MEMO1: variants seen among roughly 807,000 people sequenced by gnomAD.
MEMO1 encodes the protein mediator of cell motility 1.
Under a neutral mutation model 45.2 loss-of-function variants are expected in MEMO1, and 6 were observed. That is an observed-to-expected ratio of 0.13 (90% CI 0.07 to 0.26). MEMO1 has a LOEUF of 0.26. MEMO1 is among the 10% of genes least tolerant of loss of function. The pLI is 1.00. For synonymous variants in MEMO1, 78 were observed against 124.3 expected, an observed-to-expected ratio of 0.63 and a Z score of 2.48; for missense variants, 184 against 370.5, an observed-to-expected ratio of 0.50 and a Z score of 4.13.
At chr2:31,999,400 T>C (rs1446449985) in intron 2 of MEMO1, among the ~76,000 whole-genome samples, 1 of 152,130 alleles carries the variant, frequency 6.6e-6, no homozygotes, top group East Asian at 1.9e-4. Context: ...CAGTGGCTCA[T>C]ACCTGTAATC....
At position 31,935,344 on chromosome 2, in the gene MEMO1, A is replaced by C. The variant is rs115492073; in HGVS notation, c.144-3209T>G. On this transcript the variant is annotated intron_variant, in intron 3 of 9. Transcript: ENST00000404530. The stretch of plus-strand genomic sequence containing the variant: ...ATTCTTACAGAGCATATACCCTATA[A>C]AACTACACGAAAGGATGAAAGTTTT... 4.2e-3 allele frequency among the ~76,000 whole-genome samples: 635 copies of C among 152,302 alleles called. 9 individuals carry two copies. The highest frequency in any genetic ancestry group is 0.015 in the African/African-American group (625 of 41,554).
At chr2:31,995,007 A>C in intron 2 of MEMO1, among the ~76,000 whole-genome samples, 1 of 142,836 alleles carries the variant, frequency 7.0e-6, no homozygotes, top group Non-Finnish European at 1.5e-5. Flanking sequence ...GGAGAGAGGG[A>C]GGGAGGGAGG....
chr2:31,966,021 G>C (rs538877770), intron 2 of MEMO1, among the ~76,000 whole-genome samples: 4 of 152,214 alleles, frequency 2.6e-5, no homozygotes, highest in African/African-American at 7.2e-5. Context: ...TTTATATGGA[G>C]TGGTTAAGCA....
chr2:31,968,289 G>A (rs1247379367), intron 2 of MEMO1, among the ~76,000 whole-genome samples: 2 of 152,184 alleles, frequency 1.3e-5, no homozygotes, highest in Non-Finnish European at 2.9e-5. Context: ...GGAATAGGAT[G>A]CATCTGCAGA....
chr2:31,907,023 A>G (rs938438824), intron 6 of MEMO1, among the ~76,000 whole-genome samples: 1 of 152,238 alleles, frequency 6.6e-6, no homozygotes, highest in Non-Finnish European at 1.5e-5. Flanking sequence ...AAGTTAAGCC[A>G]AATAGTTTCC....
chr2:31,897,772 G>A (rs1317639131), intron 6 of MEMO1, among the ~76,000 whole-genome samples: 20 of 152,058 alleles, frequency 1.3e-4, no homozygotes, highest in Admixed American at 1.2e-3. Flanking sequence ...CCATTATTTG[G>A]AAAAGTTTCA....
chr2:31,939,917 T>C (rs1665410430), intron 3 of MEMO1, among the ~76,000 whole-genome samples: 2 of 152,158 alleles, frequency 1.3e-5, no homozygotes, highest in South Asian at 4.1e-4. Flanking sequence ...ACTCCAATAA[T>C]ACTTTCATTT....
chr2:31,876,481 A>G (rs1674581533), intron 8 of MEMO1, among the ~76,000 whole-genome samples: 1 of 152,146 alleles, frequency 6.6e-6, no homozygotes, highest in Non-Finnish European at 1.5e-5. Flanking sequence ...ATTAACACAT[A>G]TCTCCTCCAA....
At chr2:31,953,097 G>A (rs1388052448) in intron 2 of MEMO1, among the ~76,000 whole-genome samples, 6 of 151,994 alleles carry the variant, frequency 3.9e-5, no homozygotes, top group African/African-American at 9.7e-5. Context: ...TGGCCGGCAC[G>A]GTGTCTCACA....
At chr2:31,967,725 A>G (rs1274257147) in intron 2 of MEMO1, among the ~76,000 whole-genome samples, 1 of 152,090 alleles carries the variant, frequency 6.6e-6, no homozygotes, top group Non-Finnish European at 1.5e-5. Flanking sequence ...ACAACAGGGC[A>G]TGAGCCACCA....
intron 2 of MEMO1, among the ~76,000 whole-genome samples, chr2:32,009,737 G>GGCGGA (rs1674580379): frequency 6.6e-6 from 1 of 152,186 alleles, no homozygotes; most frequent in Non-Finnish European, 1.5e-5. Context: ...TCGGCAAGAG[G>GGCGGA]GCGGAGGGTC....
At chr2:31,914,468 A>T (rs955581646) in intron 6 of MEMO1, among the ~76,000 whole-genome samples, 16 of 152,308 alleles carry the variant, frequency 1.1e-4, no homozygotes, top group African/African-American at 3.8e-4. Flanking sequence ...TCAATTGTAC[A>T]TTTTTAAGTA....
intron 6 of MEMO1, among the ~76,000 whole-genome samples, chr2:31,892,367 A>C: frequency 6.6e-6 from 1 of 152,176 alleles, no homozygotes; most frequent in Non-Finnish European, 1.5e-5. Flanking sequence ...CTACAGAAAT[A>C]TATACTACCT....
intron 6 of MEMO1, among the ~76,000 whole-genome samples, chr2:31,911,478 G>A (rs929275929): frequency 2.0e-5 from 3 of 152,152 alleles, no homozygotes; most frequent in South Asian, 2.1e-4. Context: ...GGTAAAAACC[G>A]TAAGACTATC....
At chr2:31,942,736 G>A (rs1293717881) in intron 3 of MEMO1, among the ~76,000 whole-genome samples, 1 of 151,968 alleles carries the variant, frequency 6.6e-6, no homozygotes, top group East Asian at 1.9e-4. Context: ...TGCCCAGGCT[G>A]GTCTCAAACT....
intron 7 of MEMO1, among the ~76,000 whole-genome samples, chr2:31,884,983 A>G (rs1034676134): frequency 6.6e-6 from 1 of 152,214 alleles, no homozygotes; most frequent in Admixed American, 6.5e-5. Flanking sequence ...CAATGCCTCT[A>G]TATTGATAAT....
chr2:31,903,044 T>G (rs1679100971), intron 6 of MEMO1, among the ~76,000 whole-genome samples: 1 of 152,118 alleles, frequency 6.6e-6, no homozygotes, highest in Non-Finnish European at 1.5e-5. Context: ...AATCTTAAAA[T>G]TTTAAATTTG....
Position 31,881,100 on chromosome 2 carries a change from A to G in MEMO1, c.657+2286T>C, listed in dbSNP as rs1182731020. ...TACCATGGCACTTCAAGAAAAAAAG[A>G]CAGTAGGATCAACATCTACTGTACT... is the stretch of plus-strand genomic sequence containing the variant. On this transcript the variant is annotated intron_variant, in intron 8 of 9. Coordinates refer to ENST00000404530, the MANE Select transcript of MEMO1 (RefSeq NM_001301833.4). 2.0e-5 allele frequency among the ~76,000 whole-genome samples: 3 copies of G among 152,272 alleles called. No homozygotes were observed. The South Asian group carries it at 6.2e-4, about 32-fold the overall frequency.
chr2:31,895,193 C>A (rs1304639140), intron 6 of MEMO1, among the ~76,000 whole-genome samples: 2 of 152,054 alleles, frequency 1.3e-5, no homozygotes, highest in East Asian at 3.9e-4. Context: ...ACATACTACA[C>A]AAAATGTCCA....
Sources: allele counts gnomAD v4.1 joint callset (sites outside exome capture counted in the v4.1 genomes callset), GRCh38; gene constraint gnomAD v4.1.1; transcripts MANE v1.5; gene names NCBI Gene and HGNC (gene_info 2026-07-23, HGNC 2026-07-21).